The following TMEM237 variants were observed in gnomAD, a reference collection of about 807,000 sequenced individuals.
TMEM237 encodes the protein amyotrophic lateral sclerosis 2 (juvenile) chromosome region, candidate 4.
TMEM237 carries 51 observed loss-of-function variants against 59.1 expected under a neutral mutation model. The ratio of observed to expected loss-of-function variants is 0.86; its 90% CI spans 0.69 to 1.09. The LOEUF is 1.09. TMEM237 is among the 50% of genes least tolerant of loss of function. The pLI is 0.00. For synonymous variants in TMEM237, 140 were observed against 166.1 expected (o/e 0.84, Z 1.21); for missense variants, 475 against 478.3 (o/e 0.99, Z 0.06).
chr2:201,643,273 C>CGGGGGG lies in TMEM237; in HGVS notation c.42+85_42+86insCCCCCC. ...CCCTTAGTGATTCCCAGCTCGTTGG[C>CGGGGGG]GCCCCCCCACACACACCCACCCCCA... On this transcript the variant is annotated intron_variant, in intron 1 of 12. Transcript: ENST00000409883. This position sits in a 1 kb window ranked among gnomAD's most constrained non-coding sequence, Gnocchi z 4.3. 2 of 1,223,756 alleles carry CGGGGGG rather than the reference C, an allele frequency of 1.6e-6. No homozygotes were observed. The highest frequency in any genetic ancestry group is 1.2e-6 in the Non-Finnish European group (1 of 861,420). The allele number at this position is 1,223,756 out of a possible 1,614,324, so 75.8% of individuals were successfully genotyped here. A position where few individuals can be genotyped will look rare whatever the true frequency, so the allele number is the denominator to read the frequency against.
At position 201,621,890 on chromosome 2, in the gene TMEM237, T is replaced by C. The variant is rs1957711614; in HGVS notation, c.*2365A>G. ...CTCAGCAATGTGCCTCAAGTGTCAC[T>C]GTGAGATCATTCCCTGCTTCCTGGA... On this transcript the variant is annotated 3_prime_UTR_variant, in exon 13 of 13. Transcript: ENST00000409883. 6.6e-6 allele frequency: 1 copy of C among 152,630 alleles called. No individual in the cohort carries two copies. Among genetic ancestry groups the C allele is most frequent in the Non-Finnish European group, 1.5e-5 (1 of 68,050 alleles). 9.5% of individuals were successfully genotyped at this position (152,630 alleles called of 1,614,324 possible). A position where few individuals can be genotyped will look rare whatever the true frequency, so the allele number is the denominator to read the frequency against.
At chr2:201,629,964 G>T in intron 7 of TMEM237, 112 bp from the exon 8 acceptor site, 1 of 1,362,394 alleles carries the variant, frequency 7.3e-7, no homozygotes, top group Non-Finnish European at 9.9e-7. Context: ...AAATATTGCT[G>T]TTCTATCTGA....
chr2:201,640,310 A>G, intron 2 of TMEM237, 45 bp from the exon 3 acceptor site: 2 of 1,526,244 alleles, frequency 1.3e-6, no homozygotes, highest in Admixed American at 2.2e-5. Context: ...AGCAGGACAA[A>G]GACAAAAAAG....
intron 5 of TMEM237, chr2:201,634,762 C>T (rs764987132): frequency 7.4e-5 from 20 of 271,764 alleles, no homozygotes; most frequent in Non-Finnish European, 1.6e-4. Flanking sequence ...TCTCATAGAC[C>T]CTCAGTGCCC....
chr2:201,625,651 G>C (rs1040720023), intron 12 of TMEM237, among the ~76,000 whole-genome samples: 1 of 152,030 alleles, frequency 6.6e-6, no homozygotes, highest in African/African-American at 2.4e-5. Context: ...ACTTGAGTAT[G>C]TGTCCGACAG....
In TMEM237 at chr2:201,636,790, C is replaced by T. The variant is rs1281635469; in HGVS notation, c.232G>A (p.Ala78Thr). 1.3e-6 allele frequency: 2 copies of T among 1,589,544 alleles called. No individual in the cohort carries two copies. The highest frequency in any genetic ancestry group is 2.7e-5 in the African/African-American group (2 of 74,652). ...TTTTTCTGTCTTCTTTGAACAGGAGCCTCTGGGTGCTCTTTGAGTTCTTTA... is the reference window on the plus strand; with the variant it reads ...TTTTTCTGTCTTCTTTGAACAGGAGTCTCTGGGTGCTCTTTGAGTTCTTTA... The part of the protein sequence containing the change: ...STKELKEHPE[A>T]PVQRRQKKTR... Residue 78 changes from alanine to threonine, a missense_variant, in exon 5 of 13, where the codon GCT becomes ACT. Ala to Thr is a moderately conservative substitution (Grantham distance 58). Coordinates refer to ENST00000409883, the MANE Select transcript of TMEM237 (RefSeq NM_001044385.3).
rs1417112432 is a variant in TMEM237 at position 201,623,614 on chromosome 2, CAGAT to C, written c.*637_*640del. The stretch of plus-strand genomic sequence containing the variant: ...TCCCTCTATGATCCTGATGTACAAC[CAGAT>C]ATGAGAACCACTAGTACAGATTATA... On this transcript the variant is annotated 3_prime_UTR_variant, in exon 13 of 13. Coordinates refer to ENST00000409883, the MANE Select transcript of TMEM237 (RefSeq NM_001044385.3). 6.6e-6 allele frequency: 1 copy of C among 152,444 alleles called. No individual in the cohort carries two copies. The highest frequency in any genetic ancestry group is 1.5e-5 in the Non-Finnish European group (1 of 68,258). The allele number at this position is 152,444 out of a possible 1,614,324, so 9.4% of individuals were successfully genotyped here. A position where few individuals can be genotyped will look rare whatever the true frequency, so the allele number is the denominator to read the frequency against.
At chr2:201,642,573 A>T (rs545226836) in intron 1 of TMEM237, 4 of 1,600,572 alleles carry the variant, frequency 2.5e-6, no homozygotes, top group African/African-American at 2.7e-5. Context: ...TGAAGACAAA[A>T]ATCCTAACAA....
chr2:201,640,706 A>G (rs1376101489), intron 2 of TMEM237, among the ~76,000 whole-genome samples, 187 bp downstream of exon 2: 1 of 152,130 alleles, frequency 6.6e-6, no homozygotes, highest in African/African-American at 2.4e-5. Context: ...TAAATATAAC[A>G]TTCCATTATA....
At position 201,620,546 on chromosome 2, in the gene TMEM237, C is replaced by T. The variant is rs982853617; in HGVS notation, c.*3709G>A. ...AAACTATGTGCATATACAGGGAGGT[C>T]AAGGAAGACAACGGTTTTTAAAGCA... On this transcript the variant is annotated 3_prime_UTR_variant, in exon 13 of 13. Coordinates refer to ENST00000409883, the MANE Select transcript of TMEM237 (RefSeq NM_001044385.3). 2 of 152,118 alleles carry T rather than the reference C, an allele frequency of 1.3e-5. No homozygotes were observed. The highest frequency in any genetic ancestry group is 2.4e-5 in the African/African-American group (1 of 41,410). 9.4% of individuals were successfully genotyped at this position (152,118 alleles called of 1,614,324 possible).
Position 201,628,512 on chromosome 2 carries a change from T to C in TMEM237, c.870-363A>G, listed in dbSNP as rs144098001. Reference sequence around the variant, plus strand: ...TAAATTGTGTTCCCAAAAAGATATGTTGAACTCCTAACCTGGAGTACTTAT... The same window carrying C: ...TAAATTGTGTTCCCAAAAAGATATGCTGAACTCCTAACCTGGAGTACTTAT... On this transcript the variant is annotated intron_variant, in intron 9 of 12. Coordinates refer to ENST00000409883, the MANE Select transcript of TMEM237 (RefSeq NM_001044385.3). Among the ~76,000 whole-genome samples, 10 of 152,298 alleles carry C rather than the reference T, an allele frequency of 6.6e-5. No homozygotes were observed. In the East Asian group the frequency reaches 1.9e-3, roughly 29 times the overall value.
At chr2:201,640,644 CAGTT>C (rs1280994512) in intron 2 of TMEM237, among the ~76,000 whole-genome samples, 1 of 151,580 alleles carries the variant, frequency 6.6e-6, no homozygotes, top group Non-Finnish European at 1.5e-5. Flanking sequence ...GACACCAAAA[CAGTT>C]AGAAAGGGAA....
At chr2:201,629,945 C>CT in intron 7 of TMEM237, 93 bp from the exon 8 acceptor site, 1 of 1,500,104 alleles carries the variant, frequency 6.7e-7, no homozygotes, top group Non-Finnish European at 9.0e-7. Context: ...AAGCCGCAAA[C>CT]TAAGACTGAA....
At chr2:201,630,392 G>C (rs1957797603) in intron 7 of TMEM237, among the ~76,000 whole-genome samples, 2 of 152,178 alleles carry the variant, frequency 1.3e-5, no homozygotes, top group South Asian at 4.1e-4. Context: ...CAGTTCAAAA[G>C]TCAGCACTGC....
chr2:201,629,250 A>T lies in TMEM237; in HGVS notation c.849T>A (p.Ser283Arg). The T allele has an allele frequency of 2.5e-6, 4 of 1,574,446 alleles. No homozygotes were observed. Among genetic ancestry groups the T allele is most frequent in the Non-Finnish European group, 3.4e-6 (4 of 1,166,634 alleles). Residue 283 changes from serine to arginine, a missense_variant, in exon 9 of 13, where the codon AGT (serine) becomes AGA (arginine). Physicochemically the swap from Ser to Arg is moderately radical, Grantham distance 110. Transcript: ENST00000409883. ...QSLLYLLLAL[S>R]TISAFDRIDF... is the part of the protein sequence containing the mutation. The stretch of plus-strand genomic sequence containing the variant: ...ATTACCTGTCAAAAGCTGAAATTGT[A>T]CTCAGAGCCAAAAGCAAGTACAGAA...
chr2:201,624,367 T>C, intron 12 of TMEM237, 45 bp from the exon 13 acceptor site: 3 of 1,472,912 alleles, frequency 2.0e-6, no homozygotes, highest in Non-Finnish European at 2.8e-6. Context: ...TGTTTCCCAG[T>C]ACCTCCAACA....
intron 10 of TMEM237, 115 bp from the exon 11 acceptor site, chr2:201,627,529 T>C: frequency 1.5e-6 from 1 of 658,144 alleles, no homozygotes; most frequent in Non-Finnish European, 2.5e-6. Flanking sequence ...ATAAAAGAAA[T>C]TTATTTGACC....
rs1175689843 is a variant in TMEM237, at chr2:201,643,250, C to T, written c.42+109G>A. Reference sequence around the variant, plus strand: ...GCGCACCCCACGAGCAAGGCCCTCCCTTAGTGATTCCCAGCTCGTTGGCGC... The same window carrying T: ...GCGCACCCCACGAGCAAGGCCCTCCTTTAGTGATTCCCAGCTCGTTGGCGC... On this transcript the variant is annotated intron_variant, in intron 1 of 12. Coordinates refer to ENST00000409883, the MANE Select transcript of TMEM237 (RefSeq NM_001044385.3). This position sits in a 1 kb window ranked among gnomAD's most constrained non-coding sequence, Gnocchi z 4.3. The T allele has an allele frequency of 1.6e-6, 2 of 1,254,620 alleles. No individual in the cohort carries two copies. Among genetic ancestry groups the T allele is most frequent in the African/African-American group, 1.5e-5 (1 of 64,794 alleles). The allele number at this position is 1,254,620 out of a possible 1,614,324, so 77.7% of individuals were successfully genotyped here. A position where few individuals can be genotyped will look rare whatever the true frequency, so the allele number is the denominator to read the frequency against.
chr2:201,634,889 G>A (rs538438116), intron 5 of TMEM237: 14 of 449,834 alleles, frequency 3.1e-5, no homozygotes, highest in Middle Eastern at 6.7e-4. Flanking sequence ...AAGACACGCC[G>A]TTTTCTAGAA....
Sources: gnomAD v4.1 joint callset for allele counts (sites outside exome capture counted in the v4.1 genomes callset) on GRCh38, gnomAD v4.1.1 for gene constraint, Gnocchi (gnomAD v3.1) non-coding constraint, MANE v1.5 for transcripts, NCBI Gene and HGNC (gene_info 2026-07-23, HGNC 2026-07-21) for gene names.